NMNAT3: variants seen among roughly 807,000 people sequenced by gnomAD.
NMNAT3 encodes the protein nicotinamide nucleotide adenylyltransferase 3.
In NMNAT3, 21 loss-of-function variants were observed where a neutral mutation model predicts 24.8. That is an observed-to-expected ratio of 0.85 (90% confidence interval 0.60 to 1.22). The LOEUF (loss-of-function observed/expected upper bound fraction) is 1.22. Ranked by LOEUF, NMNAT3 falls within the 50% of genes most tolerant of loss-of-function variation. The pLI is 0.00. For synonymous variants in NMNAT3, 136 were observed against 155.2 expected, an observed-to-expected ratio of 0.88 and a Z score of 0.92; for missense variants, 387 against 436.6, an observed-to-expected ratio of 0.89 and a Z score of 1.01.
chr3:139,617,548 A>T (rs1423621964), intron 3 of NMNAT3, among the ~76,000 whole-genome samples: 2 of 152,240 alleles, frequency 1.3e-5, no homozygotes, highest in Non-Finnish European at 2.9e-5. Flanking sequence ...ATGCACTTAG[A>T]GCACTACGTG....
chr3:139,658,082 G>C (rs974516421), intron 1 of NMNAT3, among the ~76,000 whole-genome samples: 1 of 152,162 alleles, frequency 6.6e-6, no homozygotes, highest in East Asian at 1.9e-4. Context: ...CAGGGGTGGC[G>C]TGTTTTGGGG....
chr3:139,582,190 CAAAAAAAA>C (rs756159164), intron 4 of NMNAT3, among the ~76,000 whole-genome samples: 5 of 23,070 alleles, frequency 2.2e-4, no homozygotes, highest in African/African-American at 3.9e-4. Flanking sequence ...GACTCCCTCT[CAAAAAAAA>C]AAAAAAAAAA....
chr3:139,630,562 C>T (rs555853133), intron 2 of NMNAT3, among the ~76,000 whole-genome samples: 2 of 152,298 alleles, frequency 1.3e-5, no homozygotes, highest in African/African-American at 4.8e-5. Flanking sequence ...GTGTTTTCTC[C>T]TTCTTGGGAT....
intron 3 of NMNAT3, among the ~76,000 whole-genome samples, chr3:139,615,417 T>TTCTTTCTA (rs1553751027): frequency 7.1e-6 from 1 of 140,128 alleles, no homozygotes; most frequent in South Asian, 2.4e-4. Context: ...CACACACATT[T>TTCTTTCTA]TCTATCTATC....
Position 139,641,081 on chromosome 3 carries a change from C to G in NMNAT3, c.-140-3019G>C, listed in dbSNP as rs114369264. On this transcript the variant is annotated intron_variant, in intron 1 of 6. Transcript: ENST00000643695. ...ACAAACTGTCTTGTTTCTTCCTGCA[C>G]TTATTGCTTCAGAATCCACAACTAC... Among the ~76,000 whole-genome samples the G allele has an allele frequency of 6.2e-3, 939 of 152,314 alleles. 11 individuals carry two copies. The highest frequency in any genetic ancestry group is 0.022 in the African/African-American group (907 of 41,568).
rs1174011297 is a variant in NMNAT3 at position 139,582,853 on chromosome 3, T to C, written c.391+74A>G. 3.2e-6 allele frequency: 3 copies of C among 936,304 alleles called. No individual in the cohort carries two copies. In the African/African-American group the frequency reaches 5.2e-5, roughly 16 times the overall value. 58.0% of individuals were successfully genotyped at this position (936,304 alleles called of 1,614,324 possible). On this transcript the variant is annotated intron_variant, in intron 4 of 6. Transcript: ENST00000643695. ...TCAATGCAACTCTTCTTTCAAATTA[T>C]CTGTAAGTTTGAAGTTTTTTCAAAA...
At chr3:139,605,055 T>C (rs2054882261) in intron 3 of NMNAT3, among the ~76,000 whole-genome samples, 1 of 152,160 alleles carries the variant, frequency 6.6e-6, no homozygotes, top group African/African-American at 2.4e-5. Context: ...TTATCAGGTG[T>C]GTTCAAGTTC....
intron 1 of NMNAT3, among the ~76,000 whole-genome samples, chr3:139,653,161 C>G (rs970330643): frequency 6.6e-6 from 1 of 151,964 alleles, no homozygotes; most frequent in Non-Finnish European, 1.5e-5. Flanking sequence ...ATTTTCTGTG[C>G]CTACTCCATT....
chr3:139,651,719 G>A (rs951871539), intron 1 of NMNAT3, among the ~76,000 whole-genome samples: 1 of 152,102 alleles, frequency 6.6e-6, no homozygotes, highest in African/African-American at 2.4e-5. Context: ...CTAGACTCCT[G>A]GTCTCAGGGT....
At chr3:139,669,842 C>T (rs2057702775) in intron 1 of NMNAT3, among the ~76,000 whole-genome samples, 1 of 152,034 alleles carries the variant, frequency 6.6e-6, no homozygotes, top group South Asian at 2.1e-4. Context: ...TCTTAATCTA[C>T]CAGAAAAATA....
At chr3:139,677,625 G>C (rs966951913) in intron 1 of NMNAT3, 80 bp downstream of exon 1, 1 of 152,274 alleles carries the variant, frequency 6.6e-6, no homozygotes, top group African/African-American at 2.4e-5. Flanking sequence ...CTCAGTTAGG[G>C]GCCAGGAGTC....
At chr3:139,617,985 GA>G (rs2055587468) in intron 3 of NMNAT3, among the ~76,000 whole-genome samples, 1 of 152,152 alleles carries the variant, frequency 6.6e-6, no homozygotes, top group Admixed American at 6.5e-5. Flanking sequence ...AATTCCAAAT[GA>G]ACTTTTTAAA....
chr3:139,608,307 C>T (rs1157181633), intron 3 of NMNAT3, among the ~76,000 whole-genome samples: 2 of 134,652 alleles, frequency 1.5e-5, no homozygotes, highest in African/African-American at 5.3e-5. Context: ...ACTGGCTTTG[C>T]ACTCTTTGAG....
intron 1 of NMNAT3, among the ~76,000 whole-genome samples, chr3:139,648,088 A>G (rs545195521): frequency 6.6e-6 from 1 of 152,278 alleles, no homozygotes; most frequent in South Asian, 2.1e-4. Flanking sequence ...TGTAATCACC[A>G]CATGTTGAGG....
At chr3:139,594,968 T>C (rs1184387087) in intron 3 of NMNAT3, among the ~76,000 whole-genome samples, 4 of 152,112 alleles carry the variant, frequency 2.6e-5, no homozygotes, top group South Asian at 4.2e-4. Context: ...CCAGGGCAAT[T>C]AGGCAGGAGA....
At chr3:139,624,194 C>T (rs763893404) in intron 3 of NMNAT3, among the ~76,000 whole-genome samples, 1 of 151,918 alleles carries the variant, frequency 6.6e-6, no homozygotes, top group Non-Finnish European at 1.5e-5. Context: ...ATATTTCGTG[C>T]TATAAAACTC....
intron 2 of NMNAT3, among the ~76,000 whole-genome samples, chr3:139,632,212 G>A (rs564877832): frequency 6.6e-6 from 1 of 152,120 alleles, no homozygotes; most frequent in Admixed American, 6.5e-5. Context: ...CCTCTCTTTG[G>A]TTCTGTCCCA....
At chr3:139,597,115 G>A (rs1295475582) in intron 3 of NMNAT3, among the ~76,000 whole-genome samples, 1 of 151,636 alleles carries the variant, frequency 6.6e-6, no homozygotes. Flanking sequence ...AACACCACCT[G>A]CAAGTAATGA....
intron 3 of NMNAT3, among the ~76,000 whole-genome samples, chr3:139,585,513 G>A (rs966797464): frequency 6.6e-6 from 1 of 152,008 alleles, no homozygotes; most frequent in Non-Finnish European, 1.5e-5. Flanking sequence ...GTTTTCTTTT[G>A]TGCCTAGTTA....
Sources: allele counts gnomAD v4.1 joint callset (sites outside exome capture counted in the v4.1 genomes callset), GRCh38; gene constraint gnomAD v4.1.1; transcripts MANE v1.5; gene names NCBI Gene and HGNC (gene_info 2026-07-23, HGNC 2026-07-21).